Variants in WDR47 observed in about 807,000 individuals in gnomAD.
WDR47 encodes WD repeat domain 47.
In WDR47, 32 loss-of-function variants were observed where a neutral mutation model predicts 97.2. The ratio of observed to expected loss-of-function variants is 0.33; its 90% CI spans 0.25 to 0.44. WDR47 has a LOEUF of 0.44. Among genes scored for constraint, WDR47 ranks in the 20% least tolerant of loss-of-function variants. The pLI is 1.00. For missense variants in WDR47, 782 were observed against 1,102.3 expected (o/e 0.71, Z 4.11); for synonymous variants, 375 against 373.5 (o/e 1.00, Z -0.05).
intron 6 of WDR47, among the ~76,000 whole-genome samples, chr1:109,003,390 A>T (rs758646017): frequency 5.9e-5 from 9 of 151,976 alleles, no homozygotes; most frequent in Non-Finnish European, 1.0e-4. Flanking sequence ...TTTTAATTTT[A>T]ATTTTTTTCT....
intron 9 of WDR47, among the ~76,000 whole-genome samples, chr1:108,987,619 C>G (rs1488386612): frequency 6.6e-6 from 1 of 152,014 alleles, no homozygotes; most frequent in Non-Finnish European, 1.5e-5. Context: ...AGGTACCCAC[C>G]ACCATGCTTG....
Position 108,992,266 on chromosome 1 carries a change from G to A in WDR47, c.1692-937C>T, listed in dbSNP as rs867592550. 9 of 903,158 alleles carry A rather than the reference G, an allele frequency of 1.0e-5. No homozygotes were observed. The South Asian group carries it at 1.2e-4, about 12-fold the overall frequency. The allele number at this position is 903,158 out of a possible 1,614,324, so 55.9% of individuals were successfully genotyped here. A position where few individuals can be genotyped will look rare whatever the true frequency, so the allele number is the denominator to read the frequency against. On this transcript the variant is annotated intron_variant, in intron 8 of 14. Transcript: ENST00000369962. ...GAAAAAAGTAAATCCGAAGCAGCCT[G>A]AGGTAATCTGTGAAAATGGTTCGCT...
chr1:108,977,709 G>A (rs1454023207), intron 13 of WDR47, among the ~76,000 whole-genome samples: 1 of 152,110 alleles, frequency 6.6e-6, no homozygotes, highest in Non-Finnish European at 1.5e-5. Flanking sequence ...AAAATGAGCT[G>A]GGCGTGGTGG....
At chr1:108,980,406 C>A (rs1356794444) in intron 13 of WDR47, among the ~76,000 whole-genome samples, 5 of 151,856 alleles carry the variant, frequency 3.3e-5, no homozygotes, top group Non-Finnish European at 5.9e-5. Flanking sequence ...GGAATAGTAC[C>A]ATAGAATTCT....
intron 2 of WDR47, among the ~76,000 whole-genome samples, chr1:109,020,646 A>G (rs1661765297): frequency 1.3e-5 from 2 of 152,054 alleles, no homozygotes; most frequent in South Asian, 4.1e-4. Context: ...TCATAAATCA[A>G]GCAGGAGGGT....
intron 5 of WDR47, among the ~76,000 whole-genome samples, chr1:109,007,562 C>T (rs1024069459): frequency 6.6e-6 from 1 of 152,196 alleles, no homozygotes; most frequent in East Asian, 1.9e-4. Context: ...TCTCTCACAG[C>T]ATTTCATTAG....
Position 108,983,388 on chromosome 1 carries a change from G to A in WDR47, c.1989C>T (p.Ser663=), listed in dbSNP as rs1290536771. ...RFKRNKHHKG[S]IYCVAWSPCG... is the part of the protein sequence containing the mutation. ...AAGGACTCCAGGCCACACAGTAAAT[G>A]GATCCTTTATGATGTTTATTCCTTT... Residue 663 remains serine (S), a synonymous_variant, in exon 11 of 15, where the codon TCC becomes TCT. Transcript: ENST00000369962. 3.1e-6 allele frequency: 5 copies of A among 1,612,066 alleles called. No individual in the cohort carries two copies. The highest frequency in any genetic ancestry group is 2.7e-5 in the African/African-American group (2 of 74,764).
rs116330871 is a variant in WDR47, at chr1:108,990,033, G to A, written c.1767+1221C>T. On this transcript the variant is annotated intron_variant, in intron 9 of 14. Transcript: ENST00000369962. Reference sequence around the variant, plus strand: ...AAATTTGTTGTCATTTAAAAAACTAGGTGATTTCACATAAAAATCTAGATT... The same window carrying A: ...AAATTTGTTGTCATTTAAAAAACTAAGTGATTTCACATAAAAATCTAGATT... Among the ~76,000 whole-genome samples the A allele has an allele frequency of 8.4e-3, 1,276 of 152,054 alleles. 17 individuals carry two copies. Among genetic ancestry groups the A allele is most frequent in the African/African-American group, 0.029 (1,219 of 41,476 alleles).
In WDR47 at chr1:109,011,733, T is replaced by C; in HGVS notation, c.328-15A>G. 1 of 1,562,654 alleles carries C rather than the reference T, an allele frequency of 6.4e-7. No homozygotes were observed. The highest frequency in any genetic ancestry group is 8.7e-7 in the Non-Finnish European group (1 of 1,155,750). ...GTAAATTCCAGCTGTAAGAAAAATA[T>C]AAATGATCAAATAATCACTATAAAA... On this transcript the variant is annotated splice_polypyrimidine_tract_variant and intron_variant, in intron 4 of 14. Coordinates refer to ENST00000369962, the MANE Select transcript of WDR47 (RefSeq NM_001142551.2).
chr1:108,990,420 G>T (rs1659236674), intron 9 of WDR47, among the ~76,000 whole-genome samples: 1 of 151,992 alleles, frequency 6.6e-6, no homozygotes, highest in African/African-American at 2.4e-5. Context: ...TGTTGGCCAG[G>T]TTGGTCTTGA....
At chr1:109,020,189 G>T (rs1179907281) in intron 2 of WDR47, among the ~76,000 whole-genome samples, 1 of 151,354 alleles carries the variant, frequency 6.6e-6, no homozygotes, top group Non-Finnish European at 1.5e-5. Flanking sequence ...ATGTAAGAAA[G>T]GACACAATTT....
chr1:109,017,412 G>T, intron 3 of WDR47, 106 bp downstream of exon 3: 1 of 912,344 alleles, frequency 1.1e-6, no homozygotes, highest in Non-Finnish European at 1.7e-6. Flanking sequence ...TTTACTCTCT[G>T]TTCAAGGCCA....
rs376686290 is a variant in WDR47, at chr1:108,994,921, AG to A, written c.1691+658del. ...ATTATTTATAAAGTGAATTCCTATA[AG>A]CATCCAAGTGCCAAAAGCAAGTTAT... On this transcript the variant is annotated intron_variant, in intron 8 of 14. Coordinates refer to ENST00000369962, the MANE Select transcript of WDR47 (RefSeq NM_001142551.2). Among the ~76,000 whole-genome samples, 313 of 152,304 alleles carry A rather than the reference AG, an allele frequency of 2.1e-3. 1 individual carries two copies. Among genetic ancestry groups the A allele is most frequent in the African/African-American group, 7.1e-3 (296 of 41,564 alleles).
chr1:109,017,495 A>G lies in WDR47; in HGVS notation c.242+23T>C, dbSNP rs747810189. 2.5e-6 allele frequency: 4 copies of G among 1,587,680 alleles called. No individual in the cohort carries two copies. In the African/African-American group the frequency reaches 5.4e-5, roughly 22 times the overall value. ...AAGCTTCTACCAATGATGAGACACT[A>G]AAAACTTTAGATAAAATCTTACCTT... On this transcript the variant is annotated intron_variant, in intron 3 of 14. Transcript: ENST00000369962.
At chr1:109,002,607 A>G (rs550338646) in intron 6 of WDR47, among the ~76,000 whole-genome samples, 157 of 152,342 alleles carry the variant, frequency 1.0e-3, no homozygotes, top group Non-Finnish European at 1.9e-3. Flanking sequence ...ACGGAAACAG[A>G]CTGACCGAAA....
intron 5 of WDR47, among the ~76,000 whole-genome samples, chr1:109,009,351 A>G (rs2101934345): frequency 6.6e-6 from 1 of 152,000 alleles, no homozygotes; most frequent in East Asian, 1.9e-4. Flanking sequence ...ACTGTTGATC[A>G]GGAGTTTATT....
intron 1 of WDR47, chr1:109,041,537 C>G (rs969112607): frequency 6.6e-6 from 1 of 152,432 alleles, no homozygotes; most frequent in Non-Finnish European, 1.5e-5. Flanking sequence ...TCACTTGCTG[C>G]TCAGTGCCAG....
chr1:109,019,382 CAA>C (rs543984146), intron 2 of WDR47, among the ~76,000 whole-genome samples: 26 of 61,462 alleles, frequency 4.2e-4, no homozygotes, highest in African/African-American at 5.5e-4. Flanking sequence ...GACTCTGTCT[CAA>C]AAAAAAAAAA....
chr1:108,992,218 T>C, intron 8 of WDR47: 1 of 799,488 alleles, frequency 1.3e-6, no homozygotes, highest in South Asian at 1.4e-5. Flanking sequence ...AAAGACCTCT[T>C]AGAAAATTAA....
Sources: gnomAD v4.1 joint callset for allele counts (sites outside exome capture counted in the v4.1 genomes callset) on GRCh38, gnomAD v4.1.1 for gene constraint, MANE v1.5 for transcripts, NCBI Gene and HGNC (gene_info 2026-07-23, HGNC 2026-07-21) for gene names.